Variants in ALMS1 observed in about 807,000 individuals in gnomAD.
The protein encoded by ALMS1 is ALMS1 centrosome and basal body associated protein.
Under a neutral mutation model 352.2 loss-of-function variants are expected in ALMS1, and 271 were observed. The ratio of observed to expected loss-of-function variants is 0.77; its 90% CI spans 0.70 to 0.85. ALMS1 has a LOEUF of 0.85. ALMS1 is among the 40% of genes least tolerant of loss of function. The pLI, the probability that ALMS1 is intolerant of heterozygous loss-of-function variation, is 0.00. For synonymous variants in ALMS1, 1,865 were observed against 1,761.2 expected, an observed-to-expected ratio of 1.06 and a Z score of -1.48; for missense variants, 5,445 against 4,870.7, an observed-to-expected ratio of 1.12 and a Z score of -3.51.
intron 17 of ALMS1, 116 bp downstream of exon 17, chr2:73,599,637 C>T (rs1675630197): frequency 4.8e-6 from 6 of 1,259,122 alleles, no homozygotes; most frequent in Middle Eastern, 2.1e-4. Flanking sequence ...TATCCAACTG[C>T]CAATTTTCAT....
chr2:73,485,745 C>G (rs1229639872), intron 9 of ALMS1, among the ~76,000 whole-genome samples: 1 of 152,168 alleles, frequency 6.6e-6, no homozygotes, highest in Non-Finnish European at 1.5e-5. Context: ...GCCTAGGACG[C>G]TCGGAGCCAG....
chr2:73,501,151 T>A (rs1004436000), intron 10 of ALMS1, among the ~76,000 whole-genome samples: 2 of 152,202 alleles, frequency 1.3e-5, no homozygotes, highest in Admixed American at 1.3e-4. Context: ...TTATGAAGTA[T>A]CTGTTCACTT....
At chr2:73,560,307 T>C (rs1314862563) in intron 15 of ALMS1, among the ~76,000 whole-genome samples, 2 of 152,134 alleles carry the variant, frequency 1.3e-5, no homozygotes, top group African/African-American at 4.8e-5. Flanking sequence ...GCCCAATCTC[T>C]CTAATCATAA....
chr2:73,440,203 G>A (rs1183753633), intron 7 of ALMS1, among the ~76,000 whole-genome samples: 1 of 151,922 alleles, frequency 6.6e-6, no homozygotes, highest in Non-Finnish European at 1.5e-5. Context: ...GGCTGGCTTC[G>A]AACTCCTGAC....
intron 3 of ALMS1, among the ~76,000 whole-genome samples, 187 bp downstream of exon 3, chr2:73,419,505 G>A (rs187019476): frequency 9.7e-4 from 147 of 152,184 alleles, no homozygotes; most frequent in Non-Finnish European, 1.8e-3. Context: ...ATTATATTAA[G>A]TGTGCAGTTG....
chr2:73,412,886 T>C (rs1411361591), intron 2 of ALMS1, among the ~76,000 whole-genome samples: 2 of 152,192 alleles, frequency 1.3e-5, no homozygotes, highest in Non-Finnish European at 2.9e-5. Flanking sequence ...AGTACCAAAC[T>C]GTTTTTCCAA....
In ALMS1 at chr2:73,451,564, A is replaced by G; in HGVS notation, c.5037A>G (p.Leu1679=). 1 of 1,613,858 alleles carries G rather than the reference A, an allele frequency of 6.2e-7. No individual in the cohort carries two copies. Among genetic ancestry groups the G allele is most frequent in the Non-Finnish European group, 8.5e-7 (1 of 1,179,940 alleles). ...GKPVIFYQQT[L]SDSHLPEEAL... is the part of the protein sequence containing the mutation. Reference sequence around the variant, plus strand: ...CTGTCATTTTCTACCAGCAGACCCTATCAGACAGTCATTTACCTGAAGAAG... The same window carrying G: ...CTGTCATTTTCTACCAGCAGACCCTGTCAGACAGTCATTTACCTGAAGAAG... The change falls in exon 8 of 23, where the codon CTA becomes CTG. Residue 1679 remains leucine, a synonymous_variant. Transcript: ENST00000613296.
Position 73,489,939 on chromosome 2 carries a change from T to C in ALMS1, c.7980T>C (p.Asp2660=). 6.2e-7 allele frequency: 1 copy of C among 1,614,254 alleles called. No homozygotes were observed. Among genetic ancestry groups the C allele is most frequent in the Non-Finnish European group, 8.5e-7 (1 of 1,180,052 alleles). Reference sequence around the variant, plus strand: ...CCCCATTTCAGAACTTTATACCTGATGAATTCAAAATCAGCAAAGGTCTTC... The same window carrying C: ...CCCCATTTCAGAACTTTATACCTGACGAATTCAAAATCAGCAAAGGTCTTC... ...SHSPFQNFIP[D]EFKISKGLRM... is the part of the protein sequence containing the mutation. Residue 2660 remains aspartate (D), a synonymous_variant, in exon 10 of 23, where the codon GAT becomes GAC. Transcript: ENST00000613296.
intron 11 of ALMS1, among the ~76,000 whole-genome samples, chr2:73,524,533 GC>G (rs1673749110): frequency 6.6e-6 from 1 of 152,046 alleles, no homozygotes; most frequent in African/African-American, 2.4e-5. Flanking sequence ...TCAGCTCACT[GC>G]AACCTCTGCC....
intron 9 of ALMS1, among the ~76,000 whole-genome samples, chr2:73,476,118 G>A (rs1489747159): frequency 6.6e-6 from 1 of 151,942 alleles, no homozygotes; most frequent in Non-Finnish European, 1.5e-5. Flanking sequence ...GGCTACTCTA[G>A]GTACCTTATA....
chr2:73,555,491 G>A (rs1159134213), intron 13 of ALMS1, among the ~76,000 whole-genome samples: 1 of 151,996 alleles, frequency 6.6e-6, no homozygotes, highest in Non-Finnish European at 1.5e-5. Flanking sequence ...AAAGTAAATG[G>A]GATAACTAAG....
intron 16 of ALMS1, among the ~76,000 whole-genome samples, chr2:73,590,343 A>G (rs960456102): frequency 4.6e-5 from 7 of 152,210 alleles, no homozygotes; most frequent in Non-Finnish European, 1.0e-4. Flanking sequence ...CACAGCATCC[A>G]CATTTGTTCC....
At position 73,573,184 on chromosome 2, in the gene ALMS1, A is replaced by T. The variant is rs780532982; in HGVS notation, c.11307A>T (p.Thr3769=). 1 of 1,612,898 alleles carries T rather than the reference A, an allele frequency of 6.2e-7. No individual in the cohort carries two copies. Among genetic ancestry groups the T allele is most frequent in the South Asian group, 1.1e-5 (1 of 90,948 alleles). The part of the protein sequence containing the change: ...STVESDILTQ[T]DREVALHERS... ...TCGAATCAGATATATTGACCCAAAC[A>T]GATAGAGAGGTGGCTCTGCACGAAA... Residue 3769 remains threonine, a synonymous_variant, in exon 16 of 23, where the codon ACA becomes ACT. Coordinates refer to ENST00000613296, the MANE Select transcript of ALMS1 (RefSeq NM_001378454.1).
At chr2:73,593,579 C>CTTGACATAT (rs1675478249) in intron 16 of ALMS1, among the ~76,000 whole-genome samples, 1 of 152,118 alleles carries the variant, frequency 6.6e-6, no homozygotes, top group Non-Finnish European at 1.5e-5. Context: ...TTATGCCTTT[C>CTTGACATAT]TTGACATATT....
At position 73,572,265 on chromosome 2, in the gene ALMS1, C is replaced by G. The variant is rs374173325; in HGVS notation, c.10388C>G (p.Ser3463Cys). The G allele has an allele frequency of 1.4e-5, 23 of 1,605,248 alleles. No individual in the cohort carries two copies. Among genetic ancestry groups the G allele is most frequent in the Non-Finnish European group, 1.7e-6 (2 of 1,177,834 alleles). ...KESLQINIEE[S>C]ECHSEFENTT... ...AATCTTTTTTTCTCCTTTTCAGAGT[C>G]CGAATGTCATTCAGAATTTGAAAAT... is the stretch of plus-strand genomic sequence containing the variant. The change falls in exon 16 of 23, where the codon TCC becomes TGC. Residue 3463 changes from serine to cysteine, a missense_variant. Coordinates refer to ENST00000613296, the MANE Select transcript of ALMS1 (RefSeq NM_001378454.1).
At chr2:73,471,836 CCAT>C (rs1168358831) in intron 9 of ALMS1, among the ~76,000 whole-genome samples, 2 of 151,892 alleles carry the variant, frequency 1.3e-5, no homozygotes, top group Non-Finnish European at 2.9e-5. Context: ...AATAGAATTA[CCAT>C]ATGATCCCAC....
intron 15 of ALMS1, among the ~76,000 whole-genome samples, chr2:73,569,075 C>T (rs1326965733): frequency 8.2e-6 from 1 of 121,980 alleles, no homozygotes; most frequent in Non-Finnish European, 1.6e-5. Flanking sequence ...AGTGCAGTGG[C>T]ACGGTCTTGA....
intron 13 of ALMS1, among the ~76,000 whole-genome samples, chr2:73,551,162 A>G (rs1326998321): frequency 6.6e-6 from 1 of 152,126 alleles, no homozygotes; most frequent in Non-Finnish European, 1.5e-5. Flanking sequence ...TCCAGCCCCC[A>G]TGTTGTTTTA....
At chr2:73,483,009 C>G (rs560700537) in intron 9 of ALMS1, among the ~76,000 whole-genome samples, 7 of 152,078 alleles carry the variant, frequency 4.6e-5, no homozygotes, top group Non-Finnish European at 8.8e-5. Context: ...TTTGTTGATC[C>G]TTTCAAAAAA....
Sources: gnomAD v4.1 joint callset for allele counts (sites outside exome capture counted in the v4.1 genomes callset) on GRCh38, gnomAD v4.1.1 for gene constraint, MANE v1.5 for transcripts, NCBI Gene and HGNC (gene_info 2026-07-23, HGNC 2026-07-21) for gene names.